The following MSRA variants were observed in gnomAD, a reference collection of about 807,000 sequenced individuals.
The protein encoded by MSRA is mitochondrial peptide methionine sulfoxide reductase.
Under a neutral mutation model 31.3 loss-of-function variants are expected in MSRA, and 54 were observed. The ratio of observed to expected loss-of-function variants is 1.73; its 90% CI spans 1.39 to 2.17. MSRA has a LOEUF of 2.17. Ranked by LOEUF, MSRA falls within the 30% of genes most tolerant of loss-of-function variation. The pLI, the probability that MSRA is intolerant of heterozygous loss-of-function variation, is 0.00. For missense variants in MSRA, 507 were observed against 300.9 expected, an observed-to-expected ratio of 1.69 and a Z score of -5.07; for synonymous variants, 169 against 116.5, an observed-to-expected ratio of 1.45 and a Z score of -2.90.
Position 10,100,100 on chromosome 8 carries a change from C to A in MSRA, c.142+45442C>A, listed in dbSNP as rs184959671. On this transcript the variant is annotated intron_variant, in intron 1 of 5. Coordinates refer to ENST00000317173, the MANE Select transcript of MSRA (RefSeq NM_012331.5). Reference sequence around the variant, plus strand: ...GCAGCACTAGGGGCCTTTGAGGGAGCAAGGGTGAATGTGGGATCCTGGGTT... The same window carrying A: ...GCAGCACTAGGGGCCTTTGAGGGAGAAAGGGTGAATGTGGGATCCTGGGTT... 4.6e-5 allele frequency among the ~76,000 whole-genome samples: 7 copies of A among 152,248 alleles called. No homozygotes were observed. In the East Asian group the frequency reaches 1.4e-3, roughly 29 times the overall value.
chr8:10,060,403 G>T (rs555189597), intron 1 of MSRA, among the ~76,000 whole-genome samples: 2 of 152,302 alleles, frequency 1.3e-5, no homozygotes, highest in East Asian at 3.9e-4. Flanking sequence ...GAACAGAAGG[G>T]AAAATAATAT....
chr8:10,369,250 TAA>T (rs745787105), intron 5 of MSRA, among the ~76,000 whole-genome samples: 5 of 140,028 alleles, frequency 3.6e-5, no homozygotes, highest in African/African-American at 1.3e-4. Context: ...TAGAGTTCTT[TAA>T]AAAAAAAAAA....
intron 2 of MSRA, among the ~76,000 whole-genome samples, chr8:10,221,787 T>C (rs1448979698): frequency 6.6e-6 from 1 of 152,096 alleles, no homozygotes; most frequent in East Asian, 1.9e-4. Flanking sequence ...TAAAATAACA[T>C]AGTCAGAGAA....
intron 3 of MSRA, among the ~76,000 whole-genome samples, chr8:10,263,637 C>G (rs536882824): frequency 1.3e-5 from 2 of 152,292 alleles, no homozygotes; most frequent in Non-Finnish European, 2.9e-5. Flanking sequence ...CTGGCCCTGG[C>G]TTCATGGCTG....
At chr8:10,274,178 G>A (rs1414726363) in intron 3 of MSRA, among the ~76,000 whole-genome samples, 2 of 152,202 alleles carry the variant, frequency 1.3e-5, no homozygotes, top group African/African-American at 4.8e-5. Context: ...TTAATAACTG[G>A]AACTCCTGTT....
intron 1 of MSRA, among the ~76,000 whole-genome samples, chr8:10,122,673 T>A (rs993990656): frequency 2.6e-5 from 4 of 152,082 alleles, no homozygotes; most frequent in African/African-American, 9.7e-5. Flanking sequence ...TTTTCTGCTC[T>A]TGTCCTTCCT....
Position 10,305,645 on chromosome 8 carries a change from C to A in MSRA, c.436+4007C>A, listed in dbSNP as rs540911113. ...GTCAGCCTGGTCTCAAACTCCTGAC[C>A]TCATGATTCGCCCACCTCGGCCTCC... On this transcript the variant is annotated intron_variant, in intron 4 of 5. Transcript: ENST00000317173. 2.0e-5 allele frequency among the ~76,000 whole-genome samples: 3 copies of A among 152,290 alleles called. No homozygotes were observed. The South Asian group carries it at 6.2e-4, about 32-fold the overall frequency.
intron 5 of MSRA, among the ~76,000 whole-genome samples, chr8:10,331,867 ATTG>A (rs1475397967): frequency 1.3e-5 from 2 of 152,126 alleles, no homozygotes; most frequent in Non-Finnish European, 2.9e-5. Flanking sequence ...TAAAATTTGT[ATTG>A]TTGTATTGTT....
At chr8:10,240,082 G>T (rs7833742) in intron 2 of MSRA, among the ~76,000 whole-genome samples, 4,015 of 152,274 alleles carry the variant, frequency 0.026, 95 homozygotes, top group African/African-American at 0.064. Context: ...ATGTTATTTA[G>T]GGGACAGAAG....
intron 5 of MSRA, among the ~76,000 whole-genome samples, chr8:10,350,917 TCCTACTGCCTG>T (rs1804091369): frequency 6.6e-6 from 1 of 152,248 alleles, no homozygotes; most frequent in Non-Finnish European, 1.5e-5. Flanking sequence ...CCAGAGGGCT[TCCTACTGCCTG>T]CCCTGCCTGT....
intron 5 of MSRA, 93 bp from the exon 6 acceptor site, chr8:10,428,055 C>T: frequency 3.6e-6 from 5 of 1,399,254 alleles, no homozygotes; most frequent in Non-Finnish European, 2.9e-6. Context: ...AGCCACGCGT[C>T]TGCTCACTGC....
At chr8:10,358,378 C>T (rs1324084884) in intron 5 of MSRA, among the ~76,000 whole-genome samples, 1 of 152,020 alleles carries the variant, frequency 6.6e-6, no homozygotes, top group African/African-American at 2.4e-5. Context: ...TTTAATCCCT[C>T]TATTCTCTTG....
chr8:10,104,738 G>C (rs184221126), intron 1 of MSRA, among the ~76,000 whole-genome samples: 1 of 152,316 alleles, frequency 6.6e-6, no homozygotes, highest in East Asian at 1.9e-4. Flanking sequence ...CCAAAAGGGA[G>C]ACGGATATAA....
chr8:10,172,003 G>C (rs1805629517), intron 1 of MSRA, among the ~76,000 whole-genome samples: 1 of 152,156 alleles, frequency 6.6e-6, no homozygotes. Context: ...GGGGTATATA[G>C]GTAATATCCC....
chr8:10,351,643 G>C (rs1165069337), intron 5 of MSRA, among the ~76,000 whole-genome samples: 1 of 152,236 alleles, frequency 6.6e-6, no homozygotes, highest in Non-Finnish European at 1.5e-5. Flanking sequence ...TGTAGGGCAG[G>C]ATGGGAGATG....
chr8:10,082,704 G>T (rs1362801356), intron 1 of MSRA, among the ~76,000 whole-genome samples: 1 of 152,132 alleles, frequency 6.6e-6, no homozygotes, highest in African/African-American at 2.4e-5. Flanking sequence ...GGGCTTGAGG[G>T]GTCCCTCTCT....
At chr8:10,303,940 TTTA>T (rs1470894196) in intron 4 of MSRA, among the ~76,000 whole-genome samples, 1 of 152,204 alleles carries the variant, frequency 6.6e-6, no homozygotes, top group Non-Finnish European at 1.5e-5. Context: ...TGTTTTTTAT[TTTA>T]TTATTTTTTT....
chr8:10,342,590 C>T (rs1202773690), intron 5 of MSRA, among the ~76,000 whole-genome samples: 1 of 152,228 alleles, frequency 6.6e-6, no homozygotes, highest in Non-Finnish European at 1.5e-5. Flanking sequence ...CACAGAGAAG[C>T]ACAGAAGTCA....
chr8:10,325,282 T>G (rs781431618), intron 5 of MSRA, among the ~76,000 whole-genome samples: 11 of 152,168 alleles, frequency 7.2e-5, no homozygotes, highest in Non-Finnish European at 1.0e-4. Flanking sequence ...TGCAGTCATA[T>G]GGTGATATAA....
Sources: gnomAD v4.1 joint callset for allele counts (sites outside exome capture counted in the v4.1 genomes callset) on GRCh38, gnomAD v4.1.1 for gene constraint, MANE v1.5 for transcripts, NCBI Gene and HGNC (gene_info 2026-07-23, HGNC 2026-07-21) for gene names.